Variants in RORA observed in about 807,000 individuals in gnomAD.
RORA encodes nuclear receptor ROR-alpha.
In RORA, 7 loss-of-function variants were observed where a neutral mutation model predicts 69.5. The ratio of observed to expected loss-of-function variants is 0.10; its 90% CI spans 0.06 to 0.19. The LOEUF (loss-of-function observed/expected upper bound fraction) is 0.19, where lower values mean the gene tolerates loss of function less well. Among genes scored for constraint, RORA ranks in the 10% least tolerant of loss-of-function variants. The probability of loss-of-function intolerance (pLI) is 1.00; values close to 1 mark genes in which losing one functional copy is unlikely to be tolerated. For synonymous variants in RORA, 261 were observed against 240.8 expected, an observed-to-expected ratio of 1.08 and a Z score of -0.78; for missense variants, 457 against 663.0, an observed-to-expected ratio of 0.69 and a Z score of 3.41.
At chr15:60,574,947 A>G (rs913075321) in intron 2 of RORA, among the ~76,000 whole-genome samples, 2 of 152,080 alleles carry the variant, frequency 1.3e-5, no homozygotes, top group Non-Finnish European at 2.9e-5. Flanking sequence ...CCAGGAGAGA[A>G]CGGGACAGAA....
intron 1 of RORA, among the ~76,000 whole-genome samples, chr15:61,089,159 A>G (rs1245803896): frequency 1.3e-5 from 2 of 152,216 alleles, no homozygotes; most frequent in Non-Finnish European, 2.9e-5. Context: ...CACCTCAAGC[A>G]TAACAAAAGG....
At chr15:60,983,685 G>A (rs1894113307) in intron 1 of RORA, among the ~76,000 whole-genome samples, 1 of 152,176 alleles carries the variant, frequency 6.6e-6, no homozygotes, top group African/African-American at 2.4e-5. Context: ...TTGCCAGTCA[G>A]AAAATCTTTG....
chr15:60,671,837 C>A (rs2070478438), intron 2 of RORA, among the ~76,000 whole-genome samples: 2 of 152,000 alleles, frequency 1.3e-5, no homozygotes, highest in Admixed American at 6.5e-5. Flanking sequence ...GTCTCAAACT[C>A]CTGACCTCAG....
chr15:60,562,429 G>GT (rs201189028), intron 2 of RORA, among the ~76,000 whole-genome samples: 1 of 134,122 alleles, frequency 7.5e-6, no homozygotes, highest in East Asian at 2.0e-4. Flanking sequence ...TTGAGGCGGG[G>GT]TTGGGGGGGG....
chr15:60,618,648 T>C lies in RORA; in HGVS notation c.196+60009A>G, dbSNP rs137927021. Reference sequence around the variant, plus strand: ...ACATAGGTAACATGTTCTTTATACTTTGATGACAAAAAGAAAAATGAATGT... The same window carrying C: ...ACATAGGTAACATGTTCTTTATACTCTGATGACAAAAAGAAAAATGAATGT... On this transcript the variant is annotated intron_variant, in intron 2 of 10. Transcript: ENST00000335670. Among the ~76,000 whole-genome samples the C allele has an allele frequency of 2.0e-5, 3 of 152,350 alleles. No individual in the cohort carries two copies. The East Asian group carries it at 5.8e-4, about 29-fold the overall frequency.
chr15:61,012,312 G>A (rs1201133298), intron 1 of RORA, among the ~76,000 whole-genome samples: 2 of 152,118 alleles, frequency 1.3e-5, no homozygotes, highest in Non-Finnish European at 2.9e-5. Context: ...TGTTCCTATA[G>A]GGCACCCAAA....
At position 60,542,677 on chromosome 15, in the gene RORA, G is replaced by GGCACACCTCACACACGGCACACAT. The variant is rs1567073594; in HGVS notation, c.197-10827_197-10826insATGTGTGCCGTGTGTGAGGTGTGC. Reference sequence around the variant, plus strand: ...GCACACCTCACACACATGGCACACGGGCACACCTCCCACACACGGCACACG... The same window carrying GGCACACCTCACACACGGCACACAT: ...GCACACCTCACACACATGGCACACGGGCACACCTCACACACGGCACACATGCACACCTCCCACACACGGCACACG... On this transcript the variant is annotated intron_variant, in intron 2 of 10. Transcript: ENST00000335670. Among the ~76,000 whole-genome samples, 32 of 108,924 alleles carry GGCACACCTCACACACGGCACACAT rather than the reference G, an allele frequency of 2.9e-4. 2 individuals are homozygous for GGCACACCTCACACACGGCACACAT. Among genetic ancestry groups the GGCACACCTCACACACGGCACACAT allele is most frequent in the African/African-American group, 1.4e-3 (31 of 21,764 alleles). 71.5% of individuals were successfully genotyped at this position (108,924 alleles called of 152,430 possible). A position where few individuals can be genotyped will look rare whatever the true frequency, so the allele number is the denominator to read the frequency against.
chr15:60,497,983 C>T (rs990212206), intron 10 of RORA, among the ~76,000 whole-genome samples: 32 of 151,816 alleles, frequency 2.1e-4, no homozygotes, highest in African/African-American at 6.5e-4. Flanking sequence ...TGCTAGAACC[C>T]GGGAGGTGGA....
intron 2 of RORA, among the ~76,000 whole-genome samples, chr15:60,572,868 C>T (rs1392056688): frequency 2.6e-5 from 4 of 152,352 alleles, no homozygotes; most frequent in Non-Finnish European, 4.4e-5. Context: ...TCCTGACTAA[C>T]ATGTACTAAA....
At position 60,489,021 on chromosome 15, in the gene RORA, A is replaced by T. The variant is rs2064998363; in HGVS notation, c.*8434T>A. ...CTTGTTATCATTTAACAATTGTCAA[A>T]TGCTGACATGTGCTAGCCATTGTGC... On this transcript the variant is annotated 3_prime_UTR_variant, in exon 11 of 11. Transcript: ENST00000335670. 1 of 151,718 alleles carries T rather than the reference A, an allele frequency of 6.6e-6. No individual in the cohort carries two copies. The highest frequency in any genetic ancestry group is 2.1e-4 in the South Asian group (1 of 4,738). 9.4% of individuals were successfully genotyped at this position (151,718 alleles called of 1,614,324 possible).
In RORA at chr15:60,511,532, G is replaced by A. The variant is rs1490679691; in HGVS notation, c.514C>T (p.His172Tyr). Residue 172 changes from histidine to tyrosine, a missense_variant, in exon 5 of 11, where the codon CAC becomes TAC. Around this residue, in one of 3 missense-constraint regions of RORA, gnomAD observed 304 missense variants for 447.4 expected, o/e 0.68. Transcript: ENST00000335670. The surrounding 1 kb of genome is among the most constrained non-coding windows in gnomAD (Gnocchi z 6.4). ...KHRMQQQQRD[H>Y]QQQPGEAEPL... Reference sequence around the variant, plus strand: ...TCAGCCTCTCCAGGCTGCTGCTGGTGGTCGCGCTGCTGCTGCTGCATCCGG... The same window carrying A: ...TCAGCCTCTCCAGGCTGCTGCTGGTAGTCGCGCTGCTGCTGCTGCATCCGG... The A allele has an allele frequency of 1.9e-6, 3 of 1,614,162 alleles. No individual in the cohort carries two copies. Among genetic ancestry groups the A allele is most frequent in the Non-Finnish European group, 2.5e-6 (3 of 1,180,018 alleles).
intron 2 of RORA, among the ~76,000 whole-genome samples, chr15:60,604,576 T>G (rs1291019773): frequency 6.6e-6 from 1 of 152,218 alleles, no homozygotes; most frequent in African/African-American, 2.4e-5. Flanking sequence ...TCAGGAAACA[T>G]ACCTGTCTTA....
chr15:60,884,073 G>A (rs916690275), intron 1 of RORA, among the ~76,000 whole-genome samples: 4 of 152,204 alleles, frequency 2.6e-5, no homozygotes, highest in Non-Finnish European at 4.4e-5. Context: ...CAGTATTGGA[G>A]GCATTGTGGC....
chr15:60,989,761 A>G (rs1298528029), intron 1 of RORA, among the ~76,000 whole-genome samples: 1 of 152,138 alleles, frequency 6.6e-6, no homozygotes, highest in Admixed American at 6.5e-5. Context: ...CACTATACTT[A>G]GAACTTCTCT....
chr15:61,014,022 A>G (rs1463821736), intron 1 of RORA, among the ~76,000 whole-genome samples: 1 of 151,992 alleles, frequency 6.6e-6, no homozygotes, highest in African/African-American at 2.4e-5. Flanking sequence ...TGACATTGTG[A>G]TCTGCCCGCC....
chr15:60,888,151 G>T (rs966902675), intron 1 of RORA, among the ~76,000 whole-genome samples: 1 of 152,098 alleles, frequency 6.6e-6, no homozygotes, highest in Non-Finnish European at 1.5e-5. Context: ...CTGTCTCATC[G>T]GCTGGATGCA....
intron 1 of RORA, among the ~76,000 whole-genome samples, chr15:61,177,650 A>G (rs778837081): frequency 2.0e-5 from 3 of 152,118 alleles, no homozygotes; most frequent in Non-Finnish European, 4.4e-5. Context: ...ATAAAAATAA[A>G]AAACAAGAAA....
chr15:61,178,553 G>GCTGT (rs1344172273), intron 1 of RORA, among the ~76,000 whole-genome samples: 1 of 151,972 alleles, frequency 6.6e-6, no homozygotes, highest in African/African-American at 2.4e-5. Context: ...TACTGGTAGT[G>GCTGT]CTGTGTCTAC....
intron 2 of RORA, among the ~76,000 whole-genome samples, chr15:60,572,535 TACTC>T (rs796990660): frequency 1.3e-5 from 2 of 152,168 alleles, no homozygotes; most frequent in African/African-American, 4.8e-5. Context: ...TTTTTAGTCA[TACTC>T]CCTCCTACCA....
Sources: allele counts gnomAD v4.1 joint callset (sites outside exome capture counted in the v4.1 genomes callset), GRCh38; gene constraint gnomAD v4.1.1; regional missense constraint gnomAD v4.1.1; non-coding constraint Gnocchi (gnomAD v3.1); transcripts MANE v1.5; gene names NCBI Gene and HGNC (gene_info 2026-07-23, HGNC 2026-07-21).